EPB41L5: variants seen among roughly 807,000 people sequenced by gnomAD.
EPB41L5 encodes erythrocyte membrane protein band 4.1 like 5.
In EPB41L5, 55 loss-of-function variants were observed where a neutral mutation model predicts 106.6. That is an observed-to-expected ratio of 0.52 (90% CI 0.42 to 0.65). The LOEUF is 0.65. Ranked by LOEUF, EPB41L5 falls within the 30% of genes least tolerant of loss-of-function variation. The pLI, the probability that EPB41L5 is intolerant of heterozygous loss-of-function variation, is 0.00. For synonymous variants in EPB41L5, 297 were observed against 306.7 expected, an observed-to-expected ratio of 0.97 and a Z score of 0.33; for missense variants, 871 against 882.1, an observed-to-expected ratio of 0.99 and a Z score of 0.16.
In EPB41L5 at chr2:120,075,688, G is replaced by A. The variant is rs933876619; in HGVS notation, c.453-13G>A. On this transcript the variant is annotated splice_polypyrimidine_tract_variant and intron_variant, in intron 6 of 24. Transcript: ENST00000263713. The stretch of plus-strand genomic sequence containing the variant: ...AAATCAACTTGTCTAACAAACTTGT[G>A]TTTTGGTCTCAGATTAGACTGTCCC... 2.5e-6 allele frequency: 4 copies of A among 1,611,202 alleles called. No individual in the cohort carries two copies. In the African/African-American group the frequency reaches 4.0e-5, roughly 16 times the overall value.
intron 24 of EPB41L5, among the ~76,000 whole-genome samples, chr2:120,170,046 T>C (rs1558919976): frequency 6.6e-6 from 1 of 152,228 alleles, no homozygotes; most frequent in Non-Finnish European, 1.5e-5. Flanking sequence ...GAACTGTGAA[T>C]ATATGTCCAT....
intron 3 of EPB41L5, among the ~76,000 whole-genome samples, chr2:120,043,047 G>A (rs1287211299): frequency 3.2e-5 from 4 of 124,782 alleles, no homozygotes; most frequent in Non-Finnish European, 6.9e-5. Flanking sequence ...GTGTGTGTGT[G>A]TTTAGAGGGG....
rs113486983 is a variant in EPB41L5 at position 120,175,159 on chromosome 2, C to G, written c.*252C>G. ...TACTTTTATAAATGTTACAAATTCC[C>G]GAAAGAAGGGAATTTCTTTTTCTGG... is the stretch of plus-strand genomic sequence containing the variant. On this transcript the variant is annotated 3_prime_UTR_variant, in exon 25 of 25. Transcript: ENST00000263713. The G allele has an allele frequency of 2.2e-6, 1 of 451,392 alleles. No homozygotes were observed. The highest frequency in any genetic ancestry group is 1.9e-5 in the African/African-American group (1 of 51,544). The allele number at this position is 451,392 out of a possible 1,614,324, so 28.0% of individuals were successfully genotyped here. A position where few individuals can be genotyped will look rare whatever the true frequency, so the allele number is the denominator to read the frequency against.
intron 18 of EPB41L5, among the ~76,000 whole-genome samples, chr2:120,136,908 G>A (rs550057641): frequency 3.9e-5 from 6 of 152,014 alleles, no homozygotes; most frequent in African/African-American, 1.4e-4. Context: ...ATTTTATCTA[G>A]TGGCAGCAGA....
intron 21 of EPB41L5, among the ~76,000 whole-genome samples, chr2:120,162,215 A>G (rs190540519): frequency 8.3e-4 from 127 of 152,322 alleles, no homozygotes; most frequent in Non-Finnish European, 1.5e-3. Flanking sequence ...CACTAATTGC[A>G]CTGCAGCATA....
intron 3 of EPB41L5, among the ~76,000 whole-genome samples, chr2:120,050,667 C>T (rs566306843): frequency 1.3e-5 from 2 of 152,370 alleles, no homozygotes; most frequent in South Asian, 4.1e-4. Context: ...TTGTCAAAGT[C>T]ATTCTCCATC....
intron 1 of EPB41L5, among the ~76,000 whole-genome samples, chr2:120,017,960 C>A (rs952489998): frequency 5.4e-5 from 7 of 128,826 alleles, no homozygotes; most frequent in African/African-American, 1.6e-4. Flanking sequence ...CCACACCCGG[C>A]CAATTTTTTT....
chr2:120,150,792 T>A (rs143715080), intron 20 of EPB41L5, among the ~76,000 whole-genome samples: 284 of 152,334 alleles, frequency 1.9e-3, no homozygotes, highest in African/African-American at 6.7e-3. Flanking sequence ...GATTTGAAAA[T>A]ATTTTTTCCC....
At chr2:120,162,311 CAATG>C (rs1389072597) in intron 21 of EPB41L5, among the ~76,000 whole-genome samples, 3 of 152,192 alleles carry the variant, frequency 2.0e-5, no homozygotes, top group Non-Finnish European at 4.4e-5. Context: ...AGTTTATTGC[CAATG>C]AATGTTTTAA....
chr2:120,167,905 C>A lies in EPB41L5; in HGVS notation c.2033C>A (p.Ala678Glu), dbSNP rs369202076. ...AGTGGTGCCATGTCTAATGGACTTG[C>A]GGGATGTGAAATGCTTTTGACAGGG... is the stretch of plus-strand genomic sequence containing the variant. ...PQSGAMSNGL[A>E]GCEMLLTGKE... is the part of the protein sequence containing the mutation. The change falls in exon 24 of 25, where the codon GCG (alanine) becomes GAG (glutamate). Residue 678 changes from alanine to glutamate, a missense_variant. By Grantham distance (107) the Ala-to-Glu change is moderately radical. Coordinates refer to ENST00000263713, the MANE Select transcript of EPB41L5 (RefSeq NM_020909.4). The A allele has an allele frequency of 1.2e-6, 2 of 1,613,916 alleles. No homozygotes were observed. The highest frequency in any genetic ancestry group is 8.5e-7 in the Non-Finnish European group (1 of 1,179,958).
In EPB41L5 at chr2:120,164,871, T is replaced by TCTAA; in HGVS notation, c.1926_1929dup (p.Glu644AsnfsTer2). 4 of 1,612,526 alleles carry TCTAA rather than the reference T, an allele frequency of 2.5e-6. No individual in the cohort carries two copies. The highest frequency in any genetic ancestry group is 3.4e-6 in the Non-Finnish European group (4 of 1,179,342). On this transcript the variant is annotated frameshift_variant, in exon 22 of 25. Transcript: ENST00000263713. LOFTEE classifies it high-confidence loss of function. ...ATGAATTGGATGCCTTGCTTGCATC[T>TCTAA]CTAACTGAGAATCTAATTGATCACA...
chr2:120,124,423 A>G (rs1368116080), intron 16 of EPB41L5, among the ~76,000 whole-genome samples: 1 of 152,200 alleles, frequency 6.6e-6, no homozygotes, highest in Non-Finnish European at 1.5e-5. Flanking sequence ...TGGTGGGTGA[A>G]TAACCATATG....
intron 11 of EPB41L5, among the ~76,000 whole-genome samples, chr2:120,088,506 G>A (rs1683212241): frequency 6.6e-6 from 1 of 151,970 alleles, no homozygotes; most frequent in South Asian, 2.1e-4. Context: ...TTAATACCTG[G>A]GTGATGAAAT....
At chr2:120,104,044 C>G (rs1196522052) in intron 16 of EPB41L5, 3 of 1,521,178 alleles carry the variant, frequency 2.0e-6, no homozygotes, top group East Asian at 2.5e-5. Context: ...TCCCCTCCCA[C>G]TCCCCAACCA....
At chr2:120,033,502 G>GC (rs1678846889) in intron 2 of EPB41L5, among the ~76,000 whole-genome samples, 2 of 152,076 alleles carry the variant, frequency 1.3e-5, no homozygotes, top group African/African-American at 4.8e-5. Flanking sequence ...GAGGTCAGGA[G>GC]CTGGAGACCA....
rs556192003 is a variant in EPB41L5, at chr2:120,175,065, G to A, written c.*158G>A. Reference sequence around the variant, plus strand: ...CGTAAAAAAGACAGCTGTATTTTCCGTCCAACTGGAATTGTTGAATCACAC... The same window carrying A: ...CGTAAAAAAGACAGCTGTATTTTCCATCCAACTGGAATTGTTGAATCACAC... On this transcript the variant is annotated 3_prime_UTR_variant, in exon 25 of 25. Coordinates refer to ENST00000263713, the MANE Select transcript of EPB41L5 (RefSeq NM_020909.4). 45 of 698,586 alleles carry A rather than the reference G, an allele frequency of 6.4e-5. 1 individual carries two copies. Among genetic ancestry groups the A allele is most frequent in the South Asian group, 5.8e-4 (36 of 61,716 alleles). The allele number at this position is 698,586 out of a possible 1,614,324, so 43.3% of individuals were successfully genotyped here.
At chr2:120,049,798 G>A (rs1574532134) in intron 3 of EPB41L5, among the ~76,000 whole-genome samples, 1 of 152,122 alleles carries the variant, frequency 6.6e-6, no homozygotes, top group Non-Finnish European at 1.5e-5. Context: ...GCAGTGGCTG[G>A]TACCAGTTGT....
chr2:120,120,606 C>G (rs1685174175), intron 16 of EPB41L5, among the ~76,000 whole-genome samples: 1 of 151,634 alleles, frequency 6.6e-6, no homozygotes, highest in Non-Finnish European at 1.5e-5. Context: ...TAAAAAAAAC[C>G]TCTCATTAAT....
At chr2:120,064,049 ATGTCTTATAATACAGAC>A (rs1331002428) in intron 3 of EPB41L5, among the ~76,000 whole-genome samples, 1 of 152,224 alleles carries the variant, frequency 6.6e-6, no homozygotes, top group African/African-American at 2.4e-5. Context: ...TTCATTTGGA[ATGTCTTATAATACAGAC>A]TGTTAACTCA....
Sources: allele counts gnomAD v4.1 joint callset (sites outside exome capture counted in the v4.1 genomes callset), GRCh38; gene constraint gnomAD v4.1.1; transcripts MANE v1.5; gene names NCBI Gene and HGNC (gene_info 2026-07-23, HGNC 2026-07-21).